SPDYE16: variants seen among roughly 807,000 people sequenced by gnomAD.
SPDYE16 encodes speedy/RINGO cell cycle regulator family member E16.
A neutral mutation model predicts 40.1 loss-of-function variants in SPDYE16; 5 were observed. The observed-to-expected ratio is 0.12, with a 90% CI of 0.07 to 0.26. The LOEUF (loss-of-function observed/expected upper bound fraction) is 0.26. Ranked by LOEUF, SPDYE16 falls within the 10% of genes least tolerant of loss-of-function variation. SPDYE16 has a pLI of 1.00. For synonymous variants in SPDYE16, 40 were observed against 154.2 expected (o/e 0.26, Z 5.49); for missense variants, 98 against 409.8 (o/e 0.24, Z 6.57).
In SPDYE16 at chr7:76,539,515, C is replaced by T. The variant is rs1237448037; in HGVS notation, c.379+613G>A. Among the ~76,000 whole-genome samples, 5 of 91,418 alleles carry T rather than the reference C, an allele frequency of 5.5e-5. 1 individual carries two copies. The highest frequency in any genetic ancestry group is 1.0e-4 in the Non-Finnish European group (5 of 49,458). 60.0% of individuals were successfully genotyped at this position (91,418 alleles called of 152,430 possible). ...TCTCACCCAGAATGGAATGCAGTGG[C>T]GCTATCTTGGCTCAAAGCATCCTCT... On this transcript the variant is annotated intron_variant, in intron 3 of 8. Coordinates refer to ENST00000633306, the MANE Select transcript of SPDYE16 (RefSeq NM_001394943.1).
chr7:76,542,124 G>A (rs1813210455), intron 1 of SPDYE16, among the ~76,000 whole-genome samples: 1 of 150,840 alleles, frequency 6.6e-6, no homozygotes. Context: ...GAGATCCCAG[G>A]AATACTGACT....
chr7:76,542,181 G>A (rs1813212517), intron 1 of SPDYE16, among the ~76,000 whole-genome samples: 1 of 150,502 alleles, frequency 6.6e-6, no homozygotes. Flanking sequence ...GAGCTTTTCT[G>A]CCGAATGTTT....
chr7:76,541,350 G>T lies in SPDYE16; in HGVS notation c.110C>A (p.Ser37Ter). The change falls in exon 2 of 9, where the codon TCG becomes TAG. Residue 37 changes from serine to a stop codon, truncating the protein, a stop_gained. Coordinates refer to ENST00000633306, the MANE Select transcript of SPDYE16 (RefSeq NM_001394943.1). LOFTEE classifies it high-confidence loss of function. ...QNEQSPQRST[S>*]GYSLQEVVDD... is the part of the protein sequence containing the mutation. ...CACCACCTCCTGGAGGGAGTACCCC[G>T]AGGTGCTCCGCTGGGGACTCTGCTC... is the stretch of plus-strand genomic sequence containing the variant. The T allele has an allele frequency of 6.5e-7, 1 of 1,534,816 alleles. No individual in the cohort carries two copies. The highest frequency in any genetic ancestry group is 2.4e-5 in the East Asian group (1 of 40,892).
chr7:76,533,194 A>G (rs1409366815), intron 8 of SPDYE16: 1 of 637,404 alleles, frequency 1.6e-6, no homozygotes, highest in Non-Finnish European at 1.9e-6. Context: ...CCACGAGTCC[A>G]GAAGCCTAAT....
Position 76,535,775 on chromosome 7 carries a change from C to A in SPDYE16, c.755+397G>T, listed in dbSNP as rs1256850567. Among the ~76,000 whole-genome samples the A allele has an allele frequency of 2.2e-4, 14 of 64,320 alleles. 3 individuals carry two copies. The highest frequency in any genetic ancestry group is 3.6e-4 in the Non-Finnish European group (13 of 35,912). The allele number at this position is 64,320 out of a possible 152,430, so 42.2% of individuals were successfully genotyped here. ...CTGGAGTGCAGTGGCTCGACCTTAG[C>A]TTACTGCAACCTCCACCTCCTGGGT... On this transcript the variant is annotated intron_variant, in intron 6 of 8. Coordinates refer to ENST00000633306, the MANE Select transcript of SPDYE16 (RefSeq NM_001394943.1).
intron 3 of SPDYE16, among the ~76,000 whole-genome samples, chr7:76,539,067 CTT>C (rs1179456186): frequency 2.5e-4 from 14 of 56,620 alleles, no homozygotes; most frequent in Non-Finnish European, 2.3e-4. Context: ...CTGAGTCTCT[CTT>C]TTTTTTTTTT....
rs550351708 is a variant in SPDYE16 at position 76,541,448 on chromosome 7, C to T, written c.12G>A (p.Thr4=). MDR[T]ETRFRKRGQI... ...GTCCCCTCTTACGGAACCTAGTCTC[C>T]GTTCTGTCCATGGCCTTCTTCTGGA... Residue 4 remains threonine, a synonymous_variant, in exon 2 of 9, where the codon ACG becomes ACA. Coordinates refer to ENST00000633306, the MANE Select transcript of SPDYE16 (RefSeq NM_001394943.1). The T allele has an allele frequency of 2.0e-4, 301 of 1,534,602 alleles. No homozygotes were observed. Among genetic ancestry groups the T allele is most frequent in the African/African-American group, 1.1e-3 (78 of 72,866 alleles).
chr7:76,538,359 C>A (rs1813083973), intron 4 of SPDYE16, among the ~76,000 whole-genome samples: 1 of 141,544 alleles, frequency 7.1e-6, no homozygotes, highest in Non-Finnish European at 1.5e-5. Context: ...AGCCACTGCA[C>A]CTGGCCTGAA....
At chr7:76,535,726 A>T (rs1813026672) in intron 6 of SPDYE16, among the ~76,000 whole-genome samples, 1 of 53,860 alleles carries the variant, frequency 1.9e-5, no homozygotes, top group Admixed American at 1.8e-4. Flanking sequence ...TTTTTTGAGA[A>T]AAAGTCTCAC....
chr7:76,539,067 CTTT>C (rs1179456186), intron 3 of SPDYE16, among the ~76,000 whole-genome samples: 2 of 56,666 alleles, frequency 3.5e-5, no homozygotes, highest in African/African-American at 9.4e-5. Context: ...CTGAGTCTCT[CTTT>C]TTTTTTTTTT....
intron 2 of SPDYE16, among the ~76,000 whole-genome samples, chr7:76,540,976 T>TC (rs1162474686): frequency 3.1e-5 from 2 of 64,574 alleles, no homozygotes; most frequent in Non-Finnish European, 5.5e-5. Context: ...TTTCTTTTCT[T>TC]TTTTTTTTTT....
chr7:76,538,828 A>C lies in SPDYE16; in HGVS notation c.380-12T>G. 1 of 970,630 alleles carries C rather than the reference A, an allele frequency of 1.0e-6. No homozygotes were observed. Among genetic ancestry groups the C allele is most frequent in the East Asian group, 3.1e-5 (1 of 32,222 alleles). 60.1% of individuals were successfully genotyped at this position (970,630 alleles called of 1,614,324 possible). A position where few individuals can be genotyped will look rare whatever the true frequency, so the allele number is the denominator to read the frequency against. Reference sequence around the variant, plus strand: ...ATCTACCCCAGGGGCTGAGTAAAGAAACCAGGCCACGGTGTAATGCTTCTG... The same window carrying C: ...ATCTACCCCAGGGGCTGAGTAAAGACACCAGGCCACGGTGTAATGCTTCTG... On this transcript the variant is annotated splice_polypyrimidine_tract_variant and intron_variant, in intron 3 of 8. Transcript: ENST00000633306.
intron 3 of SPDYE16, among the ~76,000 whole-genome samples, chr7:76,539,806 T>A: frequency 8.8e-6 from 1 of 113,700 alleles, no homozygotes; most frequent in Admixed American, 8.4e-5. Context: ...AGTGGTGCAG[T>A]CATAGCTCAC....
At chr7:76,541,960 T>TACAAGAGTGAGATTATCAC in intron 1 of SPDYE16, among the ~76,000 whole-genome samples, 80 bp from the exon 2 acceptor site, 1 of 93,618 alleles carries the variant, frequency 1.1e-5, no homozygotes, top group African/African-American at 3.1e-5. Context: ...GAGATTATCA[T>TACAAGAGTGAGATTATCAC]GTACAAGAGT....
Position 76,541,386 on chromosome 7 carries a change from T to C in SPDYE16, c.74A>G (p.His25Arg). Residue 25 changes from histidine (H) to arginine (R), a missense_variant, in exon 2 of 9, where the codon CAC (histidine) becomes CGC (arginine). Coordinates refer to ENST00000633306, the MANE Select transcript of SPDYE16 (RefSeq NM_001394943.1). ...KGKITTSRQP[H>R]PQNEQSPQRS... Reference sequence around the variant, plus strand: ...CTGGGGACTCTGCTCATTCTGGGGGTGAGGTTGACGGCTGGTCGTGATCTT... The same window carrying C: ...CTGGGGACTCTGCTCATTCTGGGGGCGAGGTTGACGGCTGGTCGTGATCTT... 1 of 1,534,542 alleles carries C rather than the reference T, an allele frequency of 6.5e-7. No individual in the cohort carries two copies. The highest frequency in any genetic ancestry group is 2.0e-5 in the Admixed American group (1 of 50,954).
intron 4 of SPDYE16, among the ~76,000 whole-genome samples, chr7:76,537,985 ACCACTT>A: frequency 1.3e-5 from 1 of 78,844 alleles, no homozygotes; most frequent in Non-Finnish European, 2.5e-5. Flanking sequence ...CACAGCTGAA[ACCACTT>A]TCTTTGTTTA....
chr7:76,542,068 A>G (rs62476551), intron 1 of SPDYE16, among the ~76,000 whole-genome samples, 188 bp from the exon 2 acceptor site: 1,085 of 122,176 alleles, frequency 8.9e-3, no homozygotes, highest in Middle Eastern at 0.015. Flanking sequence ...ATTATCATGT[A>G]CAAGAGTGAG....
chr7:76,534,118 A>G lies in SPDYE16; in HGVS notation c.757T>C (p.Tyr253His), dbSNP rs2116709068. The change falls in exon 7 of 9, where the codon TAC becomes CAC. Residue 253 changes from tyrosine (Y) to histidine (H), a missense_variant and splice_region_variant. Physicochemically the swap from Tyr to His is moderately conservative, Grantham distance 83. Transcript: ENST00000633306. Reference sequence around the variant, plus strand: ...TCCTCCTCCATGTCATTGGCCAGGTAGCTGAGGACAGAAATCAGGTTGCTG... The same window carrying G: ...TCCTCCTCCATGTCATTGGCCAGGTGGCTGAGGACAGAAATCAGGTTGCTG... ...YQRIHFFLALYLANDMEEDDE... is the reference protein window; with the variant it reads ...YQRIHFFLALHLANDMEEDDE... 1 of 1,588,026 alleles carries G rather than the reference A, an allele frequency of 6.3e-7. No homozygotes were observed. The highest frequency in any genetic ancestry group is 2.3e-5 in the East Asian group (1 of 44,072).
chr7:76,541,088 G>T (rs1205272759), intron 2 of SPDYE16, among the ~76,000 whole-genome samples: 1 of 121,968 alleles, frequency 8.2e-6, no homozygotes, highest in Non-Finnish European at 1.7e-5. Flanking sequence ...GATTACAGGT[G>T]TGCACCACTA....
Sources: gnomAD v4.1 joint callset for allele counts (sites outside exome capture counted in the v4.1 genomes callset) on GRCh38, gnomAD v4.1.1 for gene constraint, MANE v1.5 for transcripts, NCBI Gene and HGNC (gene_info 2026-07-23, HGNC 2026-07-21) for gene names.